Variants in LMBRD1 observed in about 807,000 individuals in gnomAD.
LMBRD1 encodes lysosomal cobalamin transport escort protein LMBD1.
LMBRD1 carries 64 observed loss-of-function variants against 74.8 expected under a neutral mutation model. The ratio of observed to expected loss-of-function variants is 0.86; its 90% CI spans 0.70 to 1.05. The LOEUF is 1.05. Ranked by LOEUF, LMBRD1 falls within the 50% of genes least tolerant of loss-of-function variation. The pLI is 0.00. For synonymous variants in LMBRD1, 204 were observed against 216.3 expected (o/e 0.94, Z 0.50); for missense variants, 652 against 645.9 (o/e 1.01, Z -0.10).
chr6:69,712,116 C>T (rs1582076126), intron 9 of LMBRD1, among the ~76,000 whole-genome samples: 2 of 152,254 alleles, frequency 1.3e-5, no homozygotes, highest in South Asian at 2.1e-4. Flanking sequence ...AGTTAGTCCA[C>T]TGACTGAATT....
At chr6:69,740,305 A>T (rs1047556776) in intron 6 of LMBRD1, among the ~76,000 whole-genome samples, 14 of 152,188 alleles carry the variant, frequency 9.2e-5, no homozygotes, top group African/African-American at 3.4e-4. Context: ...GACAAAAAAA[A>T]TAAAGACTAA....
At position 69,796,871 on chromosome 6, in the gene LMBRD1, G is replaced by A; in HGVS notation, c.11C>T (p.Ser4Phe). The change falls in exon 1 of 16, where the codon TCT (serine) becomes TTT (phenylalanine). Residue 4 changes from serine (S) to phenylalanine (F), a missense_variant. By Grantham distance (155) the Ser-to-Phe change is radical. This residue lies in a region of LMBRD1 where 598 missense variants were observed against 581.8 expected (regional missense o/e 1.03). Coordinates refer to ENST00000649934, the MANE Select transcript of LMBRD1 (RefSeq NM_018368.4). Reference sequence around the variant, plus strand: ...CACCAGCTCCGCCGAGGCCGCGCCAGAAGTCGCCATCTTCGCTTCCGGTCC... The same window carrying A: ...CACCAGCTCCGCCGAGGCCGCGCCAAAAGTCGCCATCTTCGCTTCCGGTCC... MAT[S>F]GAASAELVIG... The A allele has an allele frequency of 2.5e-6, 4 of 1,613,362 alleles. No homozygotes were observed.
At chr6:69,676,368 C>T in intron 15 of LMBRD1, 82 bp downstream of exon 15, 23 of 1,571,692 alleles carry the variant, frequency 1.5e-5, no homozygotes, top group Non-Finnish European at 2.0e-5. Flanking sequence ...ATACAAATGG[C>T]CTAGTAAGAT....
intron 8 of LMBRD1, among the ~76,000 whole-genome samples, chr6:69,714,020 G>A (rs935260278): frequency 6.6e-6 from 1 of 151,956 alleles, no homozygotes; most frequent in African/African-American, 2.4e-5. Flanking sequence ...CCTTCCTCTT[G>A]ATCCCAATAC....
At chr6:69,760,090 T>C (rs758606024) in intron 3 of LMBRD1, among the ~76,000 whole-genome samples, 1 of 152,158 alleles carries the variant, frequency 6.6e-6, no homozygotes, top group Non-Finnish European at 1.5e-5. Flanking sequence ...TAGCTTGTCA[T>C]TATCTACCAT....
rs1254212098 is a variant in LMBRD1 at position 69,719,085 on chromosome 6, A to T, written c.637-4T>A. 6.2e-7 allele frequency: 1 copy of T among 1,611,432 alleles called. No individual in the cohort carries two copies. The highest frequency in any genetic ancestry group is 1.7e-5 in the Admixed American group (1 of 59,878). On this transcript the variant is annotated splice_polypyrimidine_tract_variant and splice_region_variant and intron_variant, in intron 7 of 15. Transcript: ENST00000649934. The stretch of plus-strand genomic sequence containing the variant: ...GTAACGCAGACATGCCATAGGCCTA[A>T]AAGAAAAACAATTGAAATGTTTTAG...
chr6:69,729,204 T>G (rs529728625), intron 7 of LMBRD1, among the ~76,000 whole-genome samples: 1 of 146,194 alleles, frequency 6.8e-6, no homozygotes, highest in South Asian at 2.4e-4. Flanking sequence ...TGTAGTGCCC[T>G]CATCTAGAAT....
intron 7 of LMBRD1, among the ~76,000 whole-genome samples, chr6:69,725,339 TCACACACACACACACACA>T (rs111747887): frequency 1.8e-4 from 26 of 148,194 alleles, no homozygotes; most frequent in African/African-American, 5.2e-4. Flanking sequence ...ATGACAATCT[TCACACACACACACACACA>T]CACACACACA....
chr6:69,769,549 A>G (rs549365229), intron 3 of LMBRD1, among the ~76,000 whole-genome samples: 2 of 152,086 alleles, frequency 1.3e-5, no homozygotes, highest in African/African-American at 4.8e-5. Flanking sequence ...ATTTCTTTGC[A>G]TATTTTATAA....
chr6:69,745,906 C>T, intron 5 of LMBRD1: 1 of 211,320 alleles, frequency 4.7e-6, no homozygotes, highest in South Asian at 9.2e-5. Flanking sequence ...ATGGATTTGG[C>T]CATAGTGGTG....
chr6:69,730,096 AT>A (rs1351251278), intron 7 of LMBRD1, among the ~76,000 whole-genome samples: 1 of 152,086 alleles, frequency 6.6e-6, no homozygotes, highest in Non-Finnish European at 1.5e-5. Flanking sequence ...GCTTCTATTA[AT>A]AGGTTGGCCC....
At chr6:69,757,265 G>T (rs1234164072) in intron 3 of LMBRD1, among the ~76,000 whole-genome samples, 1 of 151,800 alleles carries the variant, frequency 6.6e-6, no homozygotes, top group African/African-American at 2.4e-5. Context: ...AATCTGAGAA[G>T]TCAAAAAAAA....
chr6:69,765,672 T>C (rs1765462372), intron 3 of LMBRD1, among the ~76,000 whole-genome samples: 1 of 152,200 alleles, frequency 6.6e-6, no homozygotes, highest in Non-Finnish European at 1.5e-5. Flanking sequence ...GTGACTTTAA[T>C]AGAGGCTGCA....
intron 4 of LMBRD1, among the ~76,000 whole-genome samples, chr6:69,750,530 C>T (rs770573460): frequency 7.9e-5 from 12 of 151,952 alleles, no homozygotes; most frequent in Non-Finnish European, 1.3e-4. Flanking sequence ...CTCAGACTAA[C>T]GAAGTATCTA....
intron 3 of LMBRD1, among the ~76,000 whole-genome samples, chr6:69,754,306 T>C (rs1765227335): frequency 6.6e-6 from 1 of 151,972 alleles, no homozygotes; most frequent in Non-Finnish European, 1.5e-5. Context: ...ACGGAAAAAA[T>C]GCATGTTAGT....
In LMBRD1 at chr6:69,790,545, T is replaced by C. The variant is rs1028054668; in HGVS notation, c.70-73A>G. 9.5e-6 allele frequency: 14 copies of C among 1,475,362 alleles called. No homozygotes were observed. In the African/African-American group the frequency reaches 1.9e-4, roughly 21 times the overall value. The allele number at this position is 1,475,362 out of a possible 1,614,324, so 91.4% of individuals were successfully genotyped here. ...TCTGATTTTTGTATGTGTTTGAAAG[T>C]TTCTAGCAGGAAACCTTATGTGAAG... is the stretch of plus-strand genomic sequence containing the variant. On this transcript the variant is annotated intron_variant, in intron 1 of 15. Transcript: ENST00000649934.
At chr6:69,780,991 A>G (rs1765822001) in intron 2 of LMBRD1, among the ~76,000 whole-genome samples, 1 of 152,176 alleles carries the variant, frequency 6.6e-6, no homozygotes, top group South Asian at 2.1e-4. Context: ...AGGGAAGAGA[A>G]GGACACATAT....
chr6:69,728,228 C>CT (rs879332827), intron 7 of LMBRD1, among the ~76,000 whole-genome samples: 2 of 152,070 alleles, frequency 1.3e-5, no homozygotes, highest in Non-Finnish European at 1.5e-5. Flanking sequence ...CGTGAGAACT[C>CT]TATCCCAAGA....
chr6:69,771,525 C>T (rs1436565137), intron 3 of LMBRD1, among the ~76,000 whole-genome samples: 3 of 152,090 alleles, frequency 2.0e-5, no homozygotes, highest in Non-Finnish European at 4.4e-5. Context: ...AGCACACACT[C>T]AAAAGGAGGG....
Sources: allele counts gnomAD v4.1 joint callset (sites outside exome capture counted in the v4.1 genomes callset), GRCh38; gene constraint gnomAD v4.1.1; regional missense constraint gnomAD v4.1.1; transcripts MANE v1.5; gene names NCBI Gene and HGNC (gene_info 2026-07-23, HGNC 2026-07-21).